SIRPB2: variants seen among roughly 807,000 people sequenced by gnomAD.
SIRPB2 encodes signal-regulatory protein beta-2.
In SIRPB2, 18 loss-of-function variants were observed where a neutral mutation model predicts 27.1. That is an observed-to-expected ratio of 0.66 (90% CI 0.46 to 0.98). The LOEUF (loss-of-function observed/expected upper bound fraction) is 0.98. Ranked by LOEUF, SIRPB2 falls within the 50% of genes least tolerant of loss-of-function variation. SIRPB2 has a pLI of 0.00. For missense variants in SIRPB2, 420 were observed against 417.4 expected, an observed-to-expected ratio of 1.01 and a Z score of -0.06; for synonymous variants, 150 against 164.6, an observed-to-expected ratio of 0.91 and a Z score of 0.68.
Position 1,488,647 on chromosome 20 carries a change from C to CA in SIRPB2, c.85+2627dup, listed in dbSNP as rs34434587. The stretch of plus-strand genomic sequence containing the variant: ...TGGGCAACAGAGTGAGACCCTGTCT[C>CA]AAAAAAAAAAAATCACAGTAAGATA... On this transcript the variant is annotated intron_variant, in intron 1 of 4. Coordinates refer to ENST00000359801, the MANE Select transcript of SIRPB2 (RefSeq NM_001122962.2). 4.9e-3 allele frequency among the ~76,000 whole-genome samples: 725 copies of CA among 148,478 alleles called. 5 individuals carry two copies. Among genetic ancestry groups the CA allele is most frequent in the African/African-American group, 0.017 (670 of 40,538 alleles).
intron 1 of SIRPB2, among the ~76,000 whole-genome samples, chr20:1,485,351 C>A (rs1471759790): frequency 3.3e-5 from 5 of 151,822 alleles, no homozygotes; most frequent in Admixed American, 1.3e-4. Flanking sequence ...ATTACATGAA[C>A]CCCATAAATA....
chr20:1,479,994 C>T lies in SIRPB2; in HGVS notation c.157G>A (p.Gly53Ser), dbSNP rs2090653568. ...ATACACCTCAGTAGAAGTGTCTCAC[C>T]TTCTGCCACCAGCATGGGGCCCTCG... The part of the protein sequence containing the change: ...QPEGPMLVAE[G>S]ETLLLRCMVV... Residue 53 changes from glycine to serine, a missense_variant, in exon 2 of 5, where the codon GGT becomes AGT. Transcript: ENST00000359801. 6.2e-7 allele frequency: 1 copy of T among 1,614,052 alleles called. No homozygotes were observed. Among genetic ancestry groups the T allele is most frequent in the African/African-American group, 1.3e-5 (1 of 74,928 alleles).
intron 2 of SIRPB2, chr20:1,479,426 G>A: frequency 2.0e-6 from 1 of 491,500 alleles, no homozygotes; most frequent in South Asian, 2.2e-5. Context: ...AGATGCTTGA[G>A]GTGTACTTGA....
chr20:1,479,256 C>T (rs1226508071), intron 2 of SIRPB2: 1 of 185,874 alleles, frequency 5.4e-6, no homozygotes, highest in African/African-American at 2.4e-5. Flanking sequence ...TGGTAGATGA[C>T]ATGATCAGCC....
chr20:1,476,499 G>A, intron 4 of SIRPB2, 163 bp from the exon 5 acceptor site: 2 of 403,918 alleles, frequency 5.0e-6, no homozygotes, highest in Non-Finnish European at 6.7e-6. Flanking sequence ...CCTTCCCTCT[G>A]CCCTGGGCCC....
intron 1 of SIRPB2, among the ~76,000 whole-genome samples, chr20:1,484,533 C>T (rs2090706544): frequency 6.6e-6 from 1 of 151,566 alleles, no homozygotes; most frequent in African/African-American, 2.4e-5. Context: ...AAAAAGTGGG[C>T]AAAGGACATG....
At chr20:1,485,236 A>G (rs2090713533) in intron 1 of SIRPB2, among the ~76,000 whole-genome samples, 1 of 152,220 alleles carries the variant, frequency 6.6e-6, no homozygotes, top group African/African-American at 2.4e-5. Context: ...GCTTGAAGAG[A>G]GGACTTAAAA....
chr20:1,484,571 C>T, intron 1 of SIRPB2, among the ~76,000 whole-genome samples: 1 of 151,804 alleles, frequency 6.6e-6, no homozygotes, highest in Admixed American at 6.6e-5. Context: ...AGAAGACATA[C>T]AAATGGCCAA....
rs1057033288 is a variant in SIRPB2 at position 1,476,631 on chromosome 20, C to G, written c.860-295G>C. The G allele has an allele frequency of 1.2e-5, 9 of 781,698 alleles. No homozygotes were observed. In the Admixed American group the frequency reaches 5.0e-4, roughly 43 times the overall value. 48.4% of individuals were successfully genotyped at this position (781,698 alleles called of 1,614,324 possible). A position where few individuals can be genotyped will look rare whatever the true frequency, so the allele number is the denominator to read the frequency against. On this transcript the variant is annotated intron_variant, in intron 4 of 4. Coordinates refer to ENST00000359801, the MANE Select transcript of SIRPB2 (RefSeq NM_001122962.2). Reference sequence around the variant, plus strand: ...TAATCCTACAGTGTAGGATAGTGATCCAATTTTTATAGATAAGGAGACAGA... The same window carrying G: ...TAATCCTACAGTGTAGGATAGTGATGCAATTTTTATAGATAAGGAGACAGA...
At chr20:1,479,474 G>A (rs1418623590) in intron 2 of SIRPB2, 3 of 639,576 alleles carry the variant, frequency 4.7e-6, no homozygotes, top group East Asian at 2.8e-5. Context: ...CCATCTTTAT[G>A]AGAAAACATG....
In SIRPB2 at chr20:1,479,934, A is replaced by G. The variant is rs973665619; in HGVS notation, c.217T>C (p.Trp73Arg). ...TGGTCCTGAGTGCTCACCTTCACCC[A>G]TTTTATCATACCATCAGTGCAGGAG... Reference protein sequence around the residue: ...VGSCTDGMIKWVKVSTQDQQE... With the variant: ...VGSCTDGMIKRVKVSTQDQQE... Residue 73 changes from tryptophan to arginine, a missense_variant, in exon 2 of 5, where the codon TGG (tryptophan) becomes CGG (arginine). Coordinates refer to ENST00000359801, the MANE Select transcript of SIRPB2 (RefSeq NM_001122962.2). 1.2e-6 allele frequency: 2 copies of G among 1,614,054 alleles called. No individual in the cohort carries two copies. The highest frequency in any genetic ancestry group is 2.7e-5 in the African/African-American group (2 of 74,910).
chr20:1,487,260 G>A (rs116727692), intron 1 of SIRPB2, among the ~76,000 whole-genome samples: 1,624 of 152,206 alleles, frequency 0.011, 34 homozygotes, highest in African/African-American at 0.038. Flanking sequence ...TAAAGGAACT[G>A]CAAACTGAAA....
At chr20:1,489,900 A>G (rs1696859762) in intron 1 of SIRPB2, among the ~76,000 whole-genome samples, 1 of 152,190 alleles carries the variant, frequency 6.6e-6, no homozygotes, top group South Asian at 2.1e-4. Context: ...CTATTGAGCA[A>G]CACAGCAGAA....
At position 1,476,143 on chromosome 20, in the gene SIRPB2, G is replaced by T. The variant is rs1360439377; in HGVS notation, c.*24C>A. 1 of 1,606,514 alleles carries T rather than the reference G, an allele frequency of 6.2e-7. No homozygotes were observed. The highest frequency in any genetic ancestry group is 8.5e-7 in the Non-Finnish European group (1 of 1,177,726). On this transcript the variant is annotated 3_prime_UTR_variant, in exon 5 of 5. Coordinates refer to ENST00000359801, the MANE Select transcript of SIRPB2 (RefSeq NM_001122962.2). ...GCCCTGGCTCCTCTCCAACTCAGAG[G>T]GTCCTCACTCTGGGGCTGACCCCTC... is the stretch of plus-strand genomic sequence containing the variant.
At position 1,478,125 on chromosome 20, in the gene SIRPB2, G is replaced by T. The variant is rs546490178; in HGVS notation, c.793+141C>A. The T allele has an allele frequency of 4.0e-5, 33 of 819,624 alleles. 2 individuals are homozygous for T. The South Asian group carries it at 4.6e-4, about 11-fold the overall frequency. 50.8% of individuals were successfully genotyped at this position (819,624 alleles called of 1,614,324 possible). On this transcript the variant is annotated intron_variant, in intron 3 of 4. Transcript: ENST00000359801. ...GATGAGTAGGAGTTTTCAGAGAAAAGGAGAAAGCATTCCAGGTAGAGGGAA... is the reference window on the plus strand; with the variant it reads ...GATGAGTAGGAGTTTTCAGAGAAAATGAGAAAGCATTCCAGGTAGAGGGAA...
chr20:1,485,784 T>A (rs982182886), intron 1 of SIRPB2, among the ~76,000 whole-genome samples: 2 of 151,922 alleles, frequency 1.3e-5, no homozygotes, highest in African/African-American at 4.8e-5. Flanking sequence ...ATTATTAAAA[T>A]AAGGAATAAG....
At chr20:1,473,604 C>G (rs977896453), downstream of SIRPB2, among the ~76,000 whole-genome samples, 1 of 149,766 alleles carries the variant, frequency 6.7e-6, no homozygotes, top group African/African-American at 2.4e-5. Flanking sequence ...TCCAGAGAGG[C>G]CTTTAAAGGT....
chr20:1,478,379 A>C lies in SIRPB2; in HGVS notation c.680T>G (p.Ile227Ser), dbSNP rs1450566211. Residue 227 changes from isoleucine (I) to serine (S), a missense_variant, in exon 3 of 5, where the codon ATT becomes AGT. Transcript: ENST00000359801. Reference sequence around the variant, plus strand: ...CTCACTGGAGACGTTTTGCAGAAGAATGCTGAAGTCATTGTTGGAGGCCTG... The same window carrying C: ...CTCACTGGAGACGTTTTGCAGAAGACTGCTGAAGTCATTGTTGGAGGCCTG... Reference protein sequence around the residue: ...AVQASNNDFSILLQNVSSEDA... With the variant: ...AVQASNNDFSSLLQNVSSEDA... 6.2e-7 allele frequency: 1 copy of C among 1,614,124 alleles called. No individual in the cohort carries two copies. Among genetic ancestry groups the C allele is most frequent in the Non-Finnish European group, 8.5e-7 (1 of 1,180,058 alleles).
chr20:1,481,085 A>G (rs922814821), intron 1 of SIRPB2, among the ~76,000 whole-genome samples: 1 of 152,256 alleles, frequency 6.6e-6, no homozygotes, highest in South Asian at 2.1e-4. Context: ...TATTCTGGGT[A>G]ACAAACATCA....
Sources: gnomAD v4.1 joint callset for allele counts (sites outside exome capture counted in the v4.1 genomes callset) on GRCh38, gnomAD v4.1.1 for gene constraint, MANE v1.5 for transcripts, NCBI Gene and HGNC (gene_info 2026-07-23, HGNC 2026-07-21) for gene names.